The following FAM81A variants were observed in gnomAD, a reference collection of about 807,000 sequenced individuals.
FAM81A encodes protein FAM81A.
Under a neutral mutation model 46.7 loss-of-function variants are expected in FAM81A, and 19 were observed. That is an observed-to-expected ratio of 0.41 (90% CI 0.28 to 0.60). The LOEUF is 0.60. Among genes scored for constraint, FAM81A ranks in the 20% least tolerant of loss-of-function variants. The pLI, the probability that FAM81A is intolerant of heterozygous loss-of-function variation, is 0.34. For missense variants in FAM81A, 377 were observed against 453.5 expected (o/e 0.83, Z 1.53); for synonymous variants, 183 against 152.9 (o/e 1.20, Z -1.45).
chr15:59,442,453 A>G (rs1408644956), intron 1 of FAM81A, among the ~76,000 whole-genome samples: 1 of 151,652 alleles, frequency 6.6e-6, no homozygotes, highest in Non-Finnish European at 1.5e-5. Flanking sequence ...CATCTCTACT[A>G]AAAAAATACA....
chr15:59,446,752 G>C (rs2081358003), intron 1 of FAM81A: 1 of 152,204 alleles, frequency 6.6e-6, no homozygotes, highest in Admixed American at 6.5e-5. Flanking sequence ...CACTGGACCT[G>C]TACAACATGC....
At chr15:59,408,389 A>T (rs62015013) in intron 2 of FAM81A, among the ~76,000 whole-genome samples, 24,125 of 152,224 alleles carry the variant, frequency 0.16, 2,428 homozygotes, top group Non-Finnish European at 0.22. Context: ...AATTTCAAGG[A>T]TGGCTCCATT....
At chr15:59,400,319 T>C (rs553450842) in intron 1 of FAM81A, among the ~76,000 whole-genome samples, 2 of 152,154 alleles carry the variant, frequency 1.3e-5, no homozygotes, top group African/African-American at 4.8e-5. Flanking sequence ...ACGGGTCTGA[T>C]AAATTTACCT....
chr15:59,439,509 C>G (rs147225577), intron 1 of FAM81A, among the ~76,000 whole-genome samples: 2 of 152,236 alleles, frequency 1.3e-5, no homozygotes, highest in Middle Eastern at 3.4e-3. Context: ...ATAAACTTCC[C>G]TCTTCCACGG....
upstream of FAM81A, among the ~76,000 whole-genome samples, chr15:59,434,141 C>A (rs1285396059): frequency 6.6e-6 from 1 of 152,144 alleles, no homozygotes; most frequent in East Asian, 1.9e-4. Flanking sequence ...AGGTGTGAGG[C>A]ACCGTAACTG....
Position 59,516,866 on chromosome 15 carries a change from G to A in FAM81A, c.982+26G>A, listed in dbSNP as rs575099023. ...GTAGGCCAAAACCAGAACAGCTCAC[G>A]TGCTTTATTTTCTGTTTGTTCTAAA... is the stretch of plus-strand genomic sequence containing the variant. On this transcript the variant is annotated intron_variant, in intron 8 of 8. Coordinates refer to ENST00000288228, the MANE Select transcript of FAM81A (RefSeq NM_152450.3). 134 of 1,548,338 alleles carry A rather than the reference G, an allele frequency of 8.7e-5. 1 individual carries two copies. Among genetic ancestry groups the A allele is most frequent in the Middle Eastern group, 1.7e-4 (1 of 5,824 alleles).
chr15:59,496,727 T>C (rs1460373510), intron 4 of FAM81A, among the ~76,000 whole-genome samples: 1 of 152,254 alleles, frequency 6.6e-6, no homozygotes, highest in Non-Finnish European at 1.5e-5. Context: ...TTGATTGCTA[T>C]AGCTTTGTGG....
chr15:59,448,794 C>T (rs2081379723), intron 1 of FAM81A, among the ~76,000 whole-genome samples: 1 of 152,124 alleles, frequency 6.6e-6, no homozygotes, highest in Non-Finnish European at 1.5e-5. Flanking sequence ...TCTTGGACTA[C>T]AGCTGTTCGC....
At chr15:59,409,086 A>G (rs564617560) in intron 2 of FAM81A, 2 of 152,314 alleles carry the variant, frequency 1.3e-5, no homozygotes, top group South Asian at 4.1e-4. Flanking sequence ...GATTCAGCTC[A>G]TCTCTATCCA....
intron 2 of FAM81A, among the ~76,000 whole-genome samples, chr15:59,403,371 G>A (rs1382727246): frequency 6.6e-6 from 1 of 152,138 alleles, no homozygotes. Context: ...AGAAGAGAGA[G>A]ACATCCGAGC....
intron 2 of FAM81A, among the ~76,000 whole-genome samples, chr15:59,406,583 AC>A (rs2081095653): frequency 6.6e-6 from 1 of 152,216 alleles, no homozygotes; most frequent in Non-Finnish European, 1.5e-5. Flanking sequence ...GAGTTGTGCA[AC>A]CATCACCACA....
At chr15:59,415,307 CG>C (rs1339231955) in intron 2 of FAM81A, among the ~76,000 whole-genome samples, 10 of 151,452 alleles carry the variant, frequency 6.6e-5, no homozygotes, top group Middle Eastern at 6.9e-3. Flanking sequence ...TTAGTAGAGA[CG>C]GGGGTTTCAC....
In FAM81A at chr15:59,464,242, A is replaced by G. The variant is rs138334727; in HGVS notation, c.294+4036A>G. ...TTGTTGGACACCTAGGTTTGATTCC[A>G]TATCTTGGCTATTATGAATAGTGCT... is the stretch of plus-strand genomic sequence containing the variant. On this transcript the variant is annotated intron_variant, in intron 3 of 8. Transcript: ENST00000288228. Among the ~76,000 whole-genome samples, 157 of 152,276 alleles carry G rather than the reference A, an allele frequency of 1.0e-3. 1 individual carries two copies. Among genetic ancestry groups the G allele is most frequent in the African/African-American group, 3.1e-3 (129 of 41,534 alleles).
rs546126330 is a variant in FAM81A at position 59,426,790 on chromosome 15, C to T, written c.-78+24432C>T. 1.3e-3 allele frequency among the ~76,000 whole-genome samples: 202 copies of T among 152,300 alleles called. 2 individuals are homozygous for T. The highest frequency in any genetic ancestry group is 5.6e-4 in the Non-Finnish European group (38 of 68,020). On this transcript the variant is annotated intron_variant, in intron 2 of 4. Coordinates refer to the FAM81A transcript ENST00000558348. ...GACATACCTCTGCCACATACACTTCCCCCCTAAGCTTCTCAATAGAGTGAC... is the reference window on the plus strand; with the variant it reads ...GACATACCTCTGCCACATACACTTCTCCCCTAAGCTTCTCAATAGAGTGAC...
chr15:59,398,163 A>G (rs143315364), intron 1 of FAM81A, among the ~76,000 whole-genome samples: 1 of 152,304 alleles, frequency 6.6e-6, no homozygotes, highest in East Asian at 1.9e-4. Context: ...CTTACTGAAC[A>G]CTTGCAGATA....
At chr15:59,478,833 A>G (rs1407062498) in intron 3 of FAM81A, among the ~76,000 whole-genome samples, 7 of 152,192 alleles carry the variant, frequency 4.6e-5, no homozygotes, top group African/African-American at 1.7e-4. Flanking sequence ...AGCTTGTCTG[A>G]GTCCTCTTTG....
At chr15:59,410,456 T>C (rs2081115521) in intron 2 of FAM81A, among the ~76,000 whole-genome samples, 1 of 152,168 alleles carries the variant, frequency 6.6e-6, no homozygotes, top group East Asian at 1.9e-4. Context: ...TAAGTAAACC[T>C]TATCCTCCTC....
At chr15:59,514,190 T>C (rs1451872174) in intron 6 of FAM81A, 99 bp from the exon 7 acceptor site, 1 of 1,254,280 alleles carries the variant, frequency 8.0e-7, no homozygotes, top group African/African-American at 1.5e-5. Context: ...TTTACCTGTG[T>C]AACAAATCTG....
chr15:59,415,956 G>A (rs1256979684), intron 2 of FAM81A, among the ~76,000 whole-genome samples: 2 of 152,186 alleles, frequency 1.3e-5, no homozygotes, highest in Non-Finnish European at 2.9e-5. Context: ...ACTGGGTTCT[G>A]GAGCACACAG....
Sources: allele counts gnomAD v4.1 joint callset (sites outside exome capture counted in the v4.1 genomes callset), GRCh38; gene constraint gnomAD v4.1.1; transcripts MANE v1.5; gene names NCBI Gene and HGNC (gene_info 2026-07-23, HGNC 2026-07-21).